SFXN5: variants seen among roughly 807,000 people sequenced by gnomAD.
SFXN5 encodes sideroflexin 5.
A neutral mutation model predicts 50.2 loss-of-function variants in SFXN5; 43 were observed. The ratio of observed to expected loss-of-function variants is 0.86; its 90% CI spans 0.67 to 1.11. The LOEUF (loss-of-function observed/expected upper bound fraction) is 1.11, where lower values mean the gene tolerates loss of function less well. Ranked by LOEUF, SFXN5 falls within the 50% of genes least tolerant of loss-of-function variation. The probability of loss-of-function intolerance (pLI) is 0.00; values close to 1 mark genes in which losing one functional copy is unlikely to be tolerated. For synonymous variants in SFXN5, 203 were observed against 185.8 expected, an observed-to-expected ratio of 1.09 and a Z score of -0.75; for missense variants, 463 against 454.1, an observed-to-expected ratio of 1.02 and a Z score of -0.18.
chr2:73,008,749 C>T (rs1479242271), intron 6 of SFXN5, among the ~76,000 whole-genome samples: 1 of 152,194 alleles, frequency 6.6e-6, no homozygotes. Context: ...CCGGCATAGC[C>T]GCGGTGCTTA....
chr2:73,040,760 GA>G, intron 3 of SFXN5, 93 bp downstream of exon 3: 1 of 1,003,546 alleles, frequency 1.0e-6, no homozygotes, highest in Non-Finnish European at 1.5e-6. Context: ...TATGCTGGAC[GA>G]AAGAAGTGGT....
At chr2:73,034,392 T>C (rs1013048848) in intron 3 of SFXN5, among the ~76,000 whole-genome samples, 3 of 152,222 alleles carry the variant, frequency 2.0e-5, no homozygotes, top group African/African-American at 2.4e-5. Flanking sequence ...TTTTTAAGCC[T>C]GCCTCTGGTA....
chr2:73,068,279 C>G (rs1481099456), intron 1 of SFXN5, among the ~76,000 whole-genome samples: 1 of 152,204 alleles, frequency 6.6e-6, no homozygotes, highest in African/African-American at 2.4e-5. Flanking sequence ...CACCTTGAAG[C>G]AGGCTTCTGT....
intron 10 of SFXN5, among the ~76,000 whole-genome samples, chr2:72,979,079 G>A (rs927604998): frequency 6.6e-6 from 1 of 152,130 alleles, no homozygotes; most frequent in Admixed American, 6.5e-5. Flanking sequence ...ACAATGAAAG[G>A]CAAGTTTCAA....
chr2:73,070,731 A>T (rs1449132700), intron 1 of SFXN5: 2 of 152,100 alleles, frequency 1.3e-5, no homozygotes, highest in African/African-American at 4.8e-5. Flanking sequence ...GCCCCAGAGG[A>T]GGTCCCGGAG....
intron 6 of SFXN5, among the ~76,000 whole-genome samples, chr2:73,015,436 A>G (rs1574123228): frequency 6.6e-6 from 1 of 152,122 alleles, no homozygotes; most frequent in African/African-American, 2.4e-5. Context: ...TATTGGTCTC[A>G]AAGTGCCTCA....
At chr2:73,044,272 A>G (rs1051139796) in intron 2 of SFXN5, among the ~76,000 whole-genome samples, 2 of 152,256 alleles carry the variant, frequency 1.3e-5, no homozygotes, top group African/African-American at 4.8e-5. Flanking sequence ...AGGTTCCTGC[A>G]GACAAATCTG....
chr2:73,061,928 C>T (rs996670189), intron 1 of SFXN5, among the ~76,000 whole-genome samples: 1 of 152,044 alleles, frequency 6.6e-6, no homozygotes, highest in Non-Finnish European at 1.5e-5. Flanking sequence ...TCAGCCTGGG[C>T]AACACAGTGA....
chr2:73,037,322 A>C (rs1345739666), intron 3 of SFXN5, among the ~76,000 whole-genome samples: 1 of 152,138 alleles, frequency 6.6e-6, no homozygotes, highest in Non-Finnish European at 1.5e-5. Flanking sequence ...TGTAGACAGG[A>C]ACTTCATCCA....
chr2:72,997,112 T>C (rs1673347685), intron 9 of SFXN5: 1 of 152,242 alleles, frequency 6.6e-6, no homozygotes, highest in Admixed American at 6.5e-5. Context: ...GCCACCTGAA[T>C]GTCTCACTTC....
intron 6 of SFXN5, among the ~76,000 whole-genome samples, chr2:73,015,133 A>C (rs1269140511): frequency 2.0e-5 from 3 of 152,166 alleles, no homozygotes; most frequent in Admixed American, 6.5e-5. Context: ...TTCCTTCTAG[A>C]CCTAATCTGT....
At chr2:73,000,533 C>T in intron 7 of SFXN5, 46 bp from the exon 8 acceptor site, 1 of 1,543,978 alleles carries the variant, frequency 6.5e-7, no homozygotes, top group East Asian at 2.4e-5. Flanking sequence ...TGGTCACCTC[C>T]CTGGAAGCCA....
chr2:73,060,327 C>T (rs142734284), intron 1 of SFXN5, among the ~76,000 whole-genome samples: 1 of 152,132 alleles, frequency 6.6e-6, no homozygotes, highest in Non-Finnish European at 1.5e-5. Context: ...TGTGATACCC[C>T]GAGAAGTCCA....
chr2:72,972,390 C>T (rs544472114), intron 10 of SFXN5, among the ~76,000 whole-genome samples: 9 of 152,356 alleles, frequency 5.9e-5, no homozygotes, highest in Non-Finnish European at 1.0e-4. Flanking sequence ...TAAGGGCAGA[C>T]CTTCTCCATT....
chr2:73,040,842 CCA>C lies in SFXN5; in HGVS notation c.249+10_249+11del, dbSNP rs1679532042. The C allele has an allele frequency of 6.2e-7, 1 of 1,605,346 alleles. No homozygotes were observed. The highest frequency in any genetic ancestry group is 1.3e-5 in the African/African-American group (1 of 74,614). Reference sequence around the variant, plus strand: ...TCCCCACTGGCCATGCTCCCACCTCCCACAGAGTTACCTGTTCATTGGTGACC... The same window carrying C: ...TCCCCACTGGCCATGCTCCCACCTCCCAGAGTTACCTGTTCATTGGTGACC... On this transcript the variant is annotated intron_variant, in intron 3 of 13. Transcript: ENST00000272433.
intron 6 of SFXN5, among the ~76,000 whole-genome samples, chr2:73,007,249 T>G (rs1019264778): frequency 2.0e-5 from 3 of 151,978 alleles, no homozygotes; most frequent in African/African-American, 7.3e-5. Context: ...AGGAGAAAGG[T>G]TTTTTTAAAA....
chr2:73,061,391 A>G (rs1451547403), intron 1 of SFXN5, among the ~76,000 whole-genome samples: 1 of 152,168 alleles, frequency 6.6e-6, no homozygotes, highest in African/African-American at 2.4e-5. Context: ...TTGAAGAAAA[A>G]TAACATGTGT....
intron 1 of SFXN5, among the ~76,000 whole-genome samples, chr2:73,068,267 A>G (rs1683314075): frequency 6.6e-6 from 1 of 152,234 alleles, no homozygotes; most frequent in African/African-American, 2.4e-5. Flanking sequence ...TGGATTATCA[A>G]CCACCTTGAA....
intron 1 of SFXN5, among the ~76,000 whole-genome samples, chr2:73,063,116 T>C (rs901447615): frequency 4.6e-5 from 7 of 152,174 alleles, no homozygotes; most frequent in African/African-American, 1.7e-4. Context: ...GGAAGAAGCA[T>C]ACTGATTAAG....
Sources: allele counts gnomAD v4.1 joint callset (sites outside exome capture counted in the v4.1 genomes callset), GRCh38; gene constraint gnomAD v4.1.1; transcripts MANE v1.5; gene names NCBI Gene and HGNC (gene_info 2026-07-23, HGNC 2026-07-21).